Variants in SSH2 observed in about 807,000 individuals in gnomAD.
SSH2 encodes the protein protein phosphatase Slingshot homolog 2.
A neutral mutation model predicts 135.2 loss-of-function variants in SSH2; 37 were observed. That is an observed-to-expected ratio of 0.27 (90% confidence interval 0.21 to 0.36). SSH2 has a LOEUF of 0.36. Ranked by LOEUF, SSH2 falls within the 10% of genes least tolerant of loss-of-function variation. The probability of loss-of-function intolerance (pLI) is 1.00; values close to 1 mark genes in which losing one functional copy is unlikely to be tolerated. For synonymous variants in SSH2, 628 were observed against 646.2 expected (o/e 0.97, Z 0.43); for missense variants, 1,408 against 1,765.3 (o/e 0.80, Z 3.63).
At chr17:29,794,314 T>G (rs1328513346) in intron 2 of SSH2, among the ~76,000 whole-genome samples, 1 of 152,220 alleles carries the variant, frequency 6.6e-6, no homozygotes, top group Non-Finnish European at 1.5e-5. Flanking sequence ...TATTAATGAT[T>G]CTGACCCCCA....
intron 14 of SSH2, among the ~76,000 whole-genome samples, chr17:29,644,604 C>T (rs972678632): frequency 6.6e-6 from 1 of 152,000 alleles, no homozygotes; most frequent in Non-Finnish European, 1.5e-5. Flanking sequence ...GTCAAGAGAT[C>T]GAGACCATCC....
intron 3 of SSH2, among the ~76,000 whole-genome samples, chr17:29,730,228 G>A (rs560870562): frequency 2.3e-4 from 35 of 151,154 alleles, no homozygotes; most frequent in African/African-American, 7.8e-4. Context: ...AGGCTGAGGC[G>A]GGAGGACTGC....
chr17:29,634,441 C>T (rs915428479), intron 15 of SSH2, among the ~76,000 whole-genome samples: 1 of 152,106 alleles, frequency 6.6e-6, no homozygotes, highest in Non-Finnish European at 1.5e-5. Context: ...AGAATTGATG[C>T]GATATAGTGA....
intron 11 of SSH2, among the ~76,000 whole-genome samples, chr17:29,656,651 T>C (rs2036793649): frequency 6.6e-6 from 1 of 152,224 alleles, no homozygotes; most frequent in Non-Finnish European, 1.5e-5. Context: ...GTTCTGCTGA[T>C]GATCTGGAGG....
intron 3 of SSH2, among the ~76,000 whole-genome samples, chr17:29,714,034 A>C (rs1447747386): frequency 6.6e-6 from 1 of 152,120 alleles, no homozygotes; most frequent in Non-Finnish European, 1.5e-5. Flanking sequence ...AAAGGAACCC[A>C]TTTCCCTTAC....
At chr17:29,638,947 G>T (rs2036033362) in intron 14 of SSH2, among the ~76,000 whole-genome samples, 1 of 152,112 alleles carries the variant, frequency 6.6e-6, no homozygotes. Flanking sequence ...AACACAAAGG[G>T]AATACTCTGT....
chr17:29,775,238 C>T (rs1051334705), intron 3 of SSH2, among the ~76,000 whole-genome samples: 1 of 151,310 alleles, frequency 6.6e-6, no homozygotes, highest in African/African-American at 2.4e-5. Flanking sequence ...TGAGATCTGG[C>T]AGCCTAGAAG....
intron 2 of SSH2, among the ~76,000 whole-genome samples, chr17:29,837,822 G>T (rs1284148364): frequency 3.3e-5 from 5 of 152,258 alleles, no homozygotes; most frequent in Non-Finnish European, 5.9e-5. Context: ...AGGAGGCATG[G>T]CCAGGGCTGC....
chr17:29,772,945 G>A (rs2041618092), intron 3 of SSH2, among the ~76,000 whole-genome samples: 1 of 151,926 alleles, frequency 6.6e-6, no homozygotes, highest in South Asian at 2.1e-4. Context: ...CCAGTATCCC[G>A]GTGTCTCCAG....
At chr17:29,841,167 T>C (rs1375731939) in intron 2 of SSH2, among the ~76,000 whole-genome samples, 2 of 152,202 alleles carry the variant, frequency 1.3e-5, no homozygotes, top group Non-Finnish European at 2.9e-5. Flanking sequence ...AGTTGTAATA[T>C]TCCATTTCCT....
At chr17:29,909,075 T>C (rs1021634659) in intron 1 of SSH2, among the ~76,000 whole-genome samples, 11 of 151,852 alleles carry the variant, frequency 7.2e-5, no homozygotes, top group African/African-American at 2.7e-4. Context: ...AGACTCCGTC[T>C]CAAAGGAAAA....
At chr17:29,781,605 G>A (rs774135458) in intron 3 of SSH2, among the ~76,000 whole-genome samples, 1 of 148,974 alleles carries the variant, frequency 6.7e-6, no homozygotes, top group Admixed American at 6.8e-5. Flanking sequence ...TTAGCCTATC[G>A]AGTAACTGGG....
chr17:29,884,938 T>A (rs2066206650), intron 1 of SSH2, among the ~76,000 whole-genome samples: 1 of 152,200 alleles, frequency 6.6e-6, no homozygotes, highest in Admixed American at 6.5e-5. Flanking sequence ...AAGCAGTATT[T>A]TTTGTGTCAG....
intron 3 of SSH2, among the ~76,000 whole-genome samples, chr17:29,744,917 C>T (rs2040708420): frequency 7.0e-6 from 1 of 142,934 alleles, no homozygotes; most frequent in African/African-American, 2.6e-5. Context: ...ATAAACAAAC[C>T]ATAAAGCCAC....
chr17:29,887,506 C>T (rs1482022694), intron 1 of SSH2, among the ~76,000 whole-genome samples: 1 of 152,142 alleles, frequency 6.6e-6, no homozygotes, highest in African/African-American at 2.4e-5. Flanking sequence ...TCTCTGAAGT[C>T]GGATTGCCTG....
intron 1 of SSH2, among the ~76,000 whole-genome samples, chr17:29,920,141 T>G (rs998513549): frequency 1.3e-5 from 2 of 152,152 alleles, no homozygotes; most frequent in Non-Finnish European, 2.9e-5. Flanking sequence ...GCCGACCTTA[T>G]CTGCCCACCT....
chr17:29,869,921 C>T (rs2065911868), intron 1 of SSH2, among the ~76,000 whole-genome samples: 1 of 151,682 alleles, frequency 6.6e-6, no homozygotes, highest in Non-Finnish European at 1.5e-5. Flanking sequence ...TTGGCCTGAT[C>T]CTAGAAAAAA....
chr17:29,767,402 A>G (rs536456842), intron 3 of SSH2, among the ~76,000 whole-genome samples: 20 of 148,282 alleles, frequency 1.3e-4, no homozygotes, highest in African/African-American at 4.8e-4. Context: ...CCTCTCAGGG[A>G]TGAAACATTT....
intron 1 of SSH2, among the ~76,000 whole-genome samples, chr17:29,902,764 T>C (rs1334774743): frequency 6.6e-6 from 1 of 152,090 alleles, no homozygotes; most frequent in African/African-American, 2.4e-5. Context: ...AGAAATTTTT[T>C]AAAAAGGACA....
Sources: allele counts gnomAD v4.1 joint callset (sites outside exome capture counted in the v4.1 genomes callset), GRCh38; gene constraint gnomAD v4.1.1; transcripts MANE v1.5; gene names NCBI Gene and HGNC (gene_info 2026-07-23, HGNC 2026-07-21).